Variants in SLC15A4 observed in about 807,000 individuals in gnomAD.
SLC15A4 encodes solute carrier family 15 member 4.
SLC15A4 carries 26 observed loss-of-function variants against 46.1 expected under a neutral mutation model. The ratio of observed to expected loss-of-function variants is 0.56; its 90% CI spans 0.41 to 0.78. SLC15A4 has a LOEUF of 0.78. Ranked by LOEUF, SLC15A4 falls within the 30% of genes least tolerant of loss-of-function variation. The probability of loss-of-function intolerance (pLI) is 0.00; values close to 1 mark genes in which losing one functional copy is unlikely to be tolerated. For missense variants in SLC15A4, 751 were observed against 755.7 expected, an observed-to-expected ratio of 0.99 and a Z score of 0.07; for synonymous variants, 370 against 333.4, an observed-to-expected ratio of 1.11 and a Z score of -1.20.
At chr12:128,822,570 G>A (rs1162131193) in intron 1 of SLC15A4, among the ~76,000 whole-genome samples, 1 of 152,132 alleles carries the variant, frequency 6.6e-6, no homozygotes. Context: ...TTTATTTGGA[G>A]ACAGAGTCTC....
chr12:128,798,073 GAAATT>G (rs1343486088), intron 7 of SLC15A4, among the ~76,000 whole-genome samples: 2 of 152,242 alleles, frequency 1.3e-5, no homozygotes, highest in African/African-American at 4.8e-5. Flanking sequence ...TCTGAGATGT[GAAATT>G]AAATTAAGAA....
rs1955894507 is a variant in SLC15A4, at chr12:128,823,847, G to A, written c.97C>T (p.Arg33Trp). The A allele has an allele frequency of 1.5e-6, 2 of 1,294,674 alleles. No homozygotes were observed. The highest frequency in any genetic ancestry group is 3.4e-5 in the East Asian group (1 of 29,048). The allele number at this position is 1,294,674 out of a possible 1,614,324, so 80.2% of individuals were successfully genotyped here. ...AGCACGGCCCCGCACGCCGCGCGCC[G>A]GCCCGCGAACGCCCCAGCCGCCGCC... ...AAAAAGAFAG[R>W]RAACGAVLLT... The change falls in exon 1 of 8, where the codon CGG becomes TGG. Residue 33 changes from arginine (R) to tryptophan (W), a missense_variant. Transcript: ENST00000266771.
rs200336776 is a variant in SLC15A4 at position 128,799,209 on chromosome 12, G to A, written c.1573+50C>T. On this transcript the variant is annotated intron_variant, in intron 7 of 7. Coordinates refer to ENST00000266771, the MANE Select transcript of SLC15A4 (RefSeq NM_145648.4). ...ACTCAGCCATCTCCTGAGTGCCTGC[G>A]CCTCCCCCTCACTGGCTATTTTCAA... The A allele has an allele frequency of 1.3e-3, 2,109 of 1,604,472 alleles. 2 individuals are homozygous for A. Among genetic ancestry groups the A allele is most frequent in the Non-Finnish European group, 1.7e-3 (2,029 of 1,174,136 alleles).
At position 128,799,421 on chromosome 12, in the gene SLC15A4, A is replaced by T. The variant is rs1488894074; in HGVS notation, c.1415-4T>A. The T allele has an allele frequency of 4.3e-6, 7 of 1,613,838 alleles. No individual in the cohort carries two copies. Among genetic ancestry groups the T allele is most frequent in the African/African-American group, 1.3e-5 (1 of 74,876 alleles). On this transcript the variant is annotated splice_polypyrimidine_tract_variant and splice_region_variant and intron_variant, in intron 6 of 7. Coordinates refer to ENST00000266771, the MANE Select transcript of SLC15A4 (RefSeq NM_145648.4). The stretch of plus-strand genomic sequence containing the variant: ...GCTGAGTATGCAAATTCCAGGCCTG[A>T]GGAAAGAAAAGGGAGGGTCGTTTTT...
chr12:128,799,356 G>A lies in SLC15A4; in HGVS notation c.1476C>T (p.Phe492=). 1.9e-6 allele frequency: 3 copies of A among 1,614,168 alleles called. No individual in the cohort carries two copies. The highest frequency in any genetic ancestry group is 2.5e-6 in the Non-Finnish European group (3 of 1,180,028). Residue 492 remains phenylalanine, a synonymous_variant, in exon 7 of 8, where the codon TTC becomes TTT. Coordinates refer to ENST00000266771, the MANE Select transcript of SLC15A4 (RefSeq NM_145648.4). Reference sequence around the variant, plus strand: ...ACGACCCGACGCCAGAGAAGAAAAAGAACAAGCCCATTATGGCACTCTGCA... The same window carrying A: ...ACGACCCGACGCCAGAGAAGAAAAAAAACAAGCCCATTATGGCACTCTGCA... ...KSMQSAIMGL[F]FFFSGVGSFV... is the part of the protein sequence containing the mutation.
chr12:128,800,623 A>T (rs1955507107), intron 6 of SLC15A4, among the ~76,000 whole-genome samples: 1 of 152,174 alleles, frequency 6.6e-6, no homozygotes, highest in Non-Finnish European at 1.5e-5. Flanking sequence ...CTTACAAGGT[A>T]GTTAACAAAC....
At chr12:128,814,359 C>G (rs2135718859) in intron 2 of SLC15A4, 1 of 183,218 alleles carries the variant, frequency 5.5e-6, no homozygotes, top group East Asian at 1.5e-4. Flanking sequence ...AGAGCAGAGA[C>G]AGGTACTGAC....
rs113973842 is a variant in SLC15A4, at chr12:128,802,527, C to T, written c.1259-1518G>A. Among the ~76,000 whole-genome samples, 811 of 152,300 alleles carry T rather than the reference C, an allele frequency of 5.3e-3. 7 individuals carry two copies. Among genetic ancestry groups the T allele is most frequent in the African/African-American group, 0.018 (757 of 41,548 alleles). On this transcript the variant is annotated intron_variant, in intron 5 of 7. Transcript: ENST00000266771. ...TGGAAATAAACACGAAAGCTGAATA[C>T]CACTTTTCTCCTTCACAGGAGAGGA...
At chr12:128,813,554 C>T (rs778178813) in intron 2 of SLC15A4, 4 of 152,186 alleles carry the variant, frequency 2.6e-5, no homozygotes, top group East Asian at 1.9e-4. Flanking sequence ...TAGACACATT[C>T]GCTACGGCTC....
At chr12:128,820,595 G>A (rs1482788820) in intron 1 of SLC15A4, among the ~76,000 whole-genome samples, 1 of 152,214 alleles carries the variant, frequency 6.6e-6, no homozygotes, top group Admixed American at 6.5e-5. Flanking sequence ...TTGGGCCAAT[G>A]ATTAAACCTC....
chr12:128,823,657 G>A lies in SLC15A4; in HGVS notation c.287C>T (p.Ala96Val). The change falls in exon 1 of 8, where the codon GCC becomes GTC. Residue 96 changes from alanine (A) to valine (V), a missense_variant. Ala to Val is a moderately conservative substitution (Grantham distance 64, BLOSUM62 0). Transcript: ENST00000266771. ...YLGSPFGGWL[A>V]DARLGRARAI... ...GCGCGCCCGGCCCAGCCGCGCGTCG[G>A]CCAGCCAGCCTCCGAACGGCGAGCC... 3 of 1,492,232 alleles carry A rather than the reference G, an allele frequency of 2.0e-6. No individual in the cohort carries two copies. The highest frequency in any genetic ancestry group is 2.8e-5 in the East Asian group (1 of 35,090). The allele number at this position is 1,492,232 out of a possible 1,614,324, so 92.4% of individuals were successfully genotyped here.
rs1281289957 is a variant in SLC15A4 at position 128,794,129 on chromosome 12, G to GT, written c.*66dup. On this transcript the variant is annotated 3_prime_UTR_variant, in exon 8 of 8. Transcript: ENST00000266771. ...TTTATGGGAATTTAAAGTCTTGCCT[G>GT]TTCTCAGTGCACCCCAGTCAGTTAC... is the stretch of plus-strand genomic sequence containing the variant. 7.0e-7 allele frequency: 1 copy of GT among 1,421,258 alleles called. No homozygotes were observed. Among genetic ancestry groups the GT allele is most frequent in the Non-Finnish European group, 9.6e-7 (1 of 1,040,160 alleles). The allele number at this position is 1,421,258 out of a possible 1,614,324, so 88.0% of individuals were successfully genotyped here. A position where few individuals can be genotyped will look rare whatever the true frequency, so the allele number is the denominator to read the frequency against.
intron 3 of SLC15A4, chr12:128,809,728 G>T: frequency 1.8e-6 from 1 of 547,136 alleles, no homozygotes; most frequent in Non-Finnish European, 3.2e-6. Flanking sequence ...AAAACCAGAA[G>T]CGTACCTGTT....
intron 7 of SLC15A4, among the ~76,000 whole-genome samples, chr12:128,795,739 G>A (rs1955435849): frequency 6.6e-6 from 1 of 152,138 alleles, no homozygotes; most frequent in African/African-American, 2.4e-5. Context: ...AGCAGAAAAC[G>A]GCAGGACTTT....
intron 2 of SLC15A4, 68 bp downstream of exon 2, chr12:128,814,707 G>A: frequency 6.6e-7 from 1 of 1,523,332 alleles, no homozygotes; most frequent in Non-Finnish European, 9.0e-7. Flanking sequence ...ACAAACCGAA[G>A]CTAGGATGTT....
intron 6 of SLC15A4, among the ~76,000 whole-genome samples, chr12:128,799,908 C>T (rs1306783599): frequency 3.3e-5 from 5 of 152,124 alleles, no homozygotes; most frequent in Non-Finnish European, 5.9e-5. Flanking sequence ...ATGGCAGGAT[C>T]TTGGCTCACC....
At position 128,823,603 on chromosome 12, in the gene SLC15A4, A is replaced by C. The variant is rs1433852843; in HGVS notation, c.341T>G (p.Leu114Arg). The C allele has an allele frequency of 1.4e-6, 2 of 1,460,462 alleles. No homozygotes were observed. The highest frequency in any genetic ancestry group is 1.8e-6 in the Non-Finnish European group (2 of 1,112,408). 90.5% of individuals were successfully genotyped at this position (1,460,462 alleles called of 1,614,324 possible). A position where few individuals can be genotyped will look rare whatever the true frequency, so the allele number is the denominator to read the frequency against. ...RAILLSLALY[L>R]LGMLAFPLLA... ...CAGCGGGAAGGCCAGCATGCCCAGC[A>C]GGTAGAGCGCCAGGCTCAGCAGGAT... is the stretch of plus-strand genomic sequence containing the variant. Residue 114 changes from leucine to arginine, a missense_variant, in exon 1 of 8, where the codon CTG (leucine) becomes CGG (arginine). Leu to Arg is a moderately radical substitution (Grantham distance 102, BLOSUM62 -2). Transcript: ENST00000266771.
At chr12:128,795,619 G>C (rs7136092) in intron 7 of SLC15A4, among the ~76,000 whole-genome samples, 78,960 of 152,164 alleles carry the variant, frequency 0.52, 21,391 homozygotes, top group Non-Finnish European at 0.61. Flanking sequence ...CTTTCACAGA[G>C]GTCTGGAACT....
chr12:128,807,196 C>T (rs904869145), intron 5 of SLC15A4, among the ~76,000 whole-genome samples: 5 of 151,912 alleles, frequency 3.3e-5, no homozygotes, highest in Middle Eastern at 6.8e-3. Flanking sequence ...CCACCGTGCC[C>T]GGCCTGCTAG....
Sources: allele counts gnomAD v4.1 joint callset (sites outside exome capture counted in the v4.1 genomes callset), GRCh38; gene constraint gnomAD v4.1.1; transcripts MANE v1.5; gene names NCBI Gene and HGNC (gene_info 2026-07-23, HGNC 2026-07-21).